RIPOR3: variants seen among roughly 807,000 people sequenced by gnomAD.
RIPOR3 encodes RIPOR family member 3.
RIPOR3 carries 95 observed loss-of-function variants against 114.3 expected under a neutral mutation model. The observed-to-expected ratio is 0.83, with a 90% confidence interval of 0.70 to 0.99. RIPOR3 has a LOEUF of 0.99. Among genes scored for constraint, RIPOR3 ranks in the 50% least tolerant of loss-of-function variants. The pLI is 0.00. For synonymous variants in RIPOR3, 575 were observed against 543.8 expected (o/e 1.06, Z -0.80); for missense variants, 1,252 against 1,266.9 (o/e 0.99, Z 0.18).
chr20:50,592,267 C>T, intron 19 of RIPOR3, 77 bp downstream of exon 19: 2 of 1,435,644 alleles, frequency 1.4e-6, no homozygotes, highest in Non-Finnish European at 9.3e-7. Flanking sequence ...CTTCTTTGTA[C>T]TTTTCCATGA....
intron 1 of RIPOR3, among the ~76,000 whole-genome samples, chr20:50,674,737 A>G (rs978328727): frequency 6.0e-5 from 9 of 151,222 alleles, no homozygotes. Flanking sequence ...GCTTGAGCCC[A>G]GAAGTTCAAG....
chr20:50,587,567 AT>A (rs2082961161), intron 21 of RIPOR3, among the ~76,000 whole-genome samples: 1 of 152,116 alleles, frequency 6.6e-6, no homozygotes, highest in African/African-American at 2.4e-5. Context: ...TCTGGCTTCT[AT>A]CCCAAAGGTC....
At chr20:50,599,973 T>C (rs2083439033) in intron 13 of RIPOR3, among the ~76,000 whole-genome samples, 1 of 152,064 alleles carries the variant, frequency 6.6e-6, no homozygotes, top group African/African-American at 2.4e-5. Flanking sequence ...CGATCTTGGC[T>C]CACTGTAACC....
intron 4 of RIPOR3, among the ~76,000 whole-genome samples, chr20:50,614,098 C>T (rs986160537): frequency 3.9e-5 from 6 of 152,192 alleles, no homozygotes; most frequent in South Asian, 2.1e-4. Context: ...TGCAGTGGTA[C>T]GATCTCACCT....
chr20:50,637,748 T>G (rs1363409483), intron 1 of RIPOR3, among the ~76,000 whole-genome samples: 12 of 151,800 alleles, frequency 7.9e-5, no homozygotes, highest in Non-Finnish European at 1.3e-4. Context: ...AGTGGCGGGC[T>G]CCTGTAATCC....
At chr20:50,603,991 G>C (rs113041139) in intron 12 of RIPOR3, among the ~76,000 whole-genome samples, 1 of 152,180 alleles carries the variant, frequency 6.6e-6, no homozygotes, top group South Asian at 2.1e-4. Context: ...AGACCAGCCT[G>C]GCTAACATGG....
At chr20:50,604,871 G>T in intron 11 of RIPOR3, 97 bp from the exon 12 acceptor site, 6 of 1,434,002 alleles carry the variant, frequency 4.2e-6, no homozygotes, top group Non-Finnish European at 5.7e-6. Context: ...CAGGTAGATG[G>T]TCTTCATCTT....
At position 50,691,392 on chromosome 20, in the gene RIPOR3, A is replaced by G. The variant is rs1020216489; in HGVS notation, c.-264T>C. ...GCCGGGCTCTGATAATGCAGCCGGGACTCTTATCTGGCCTGTGTCAGGGTG... is the reference window on the plus strand; with the variant it reads ...GCCGGGCTCTGATAATGCAGCCGGGGCTCTTATCTGGCCTGTGTCAGGGTG... On this transcript the variant is annotated 5_prime_UTR_variant, in exon 1 of 22. Coordinates refer to ENST00000327979, the MANE Select transcript of RIPOR3 (RefSeq NM_001290268.2). 2.9e-6 allele frequency: 1 copy of G among 345,620 alleles called. No homozygotes were observed. The highest frequency in any genetic ancestry group is 5.6e-6 in the Non-Finnish European group (1 of 177,060). The allele number at this position is 345,620 out of a possible 1,614,324, so 21.4% of individuals were successfully genotyped here.
At chr20:50,662,675 A>G (rs1015925207) in intron 1 of RIPOR3, among the ~76,000 whole-genome samples, 2 of 152,086 alleles carry the variant, frequency 1.3e-5, no homozygotes, top group Non-Finnish European at 2.9e-5. Flanking sequence ...AGGGGTGTCC[A>G]CTGGACCAGG....
At chr20:50,596,081 G>C in intron 15 of RIPOR3, 59 bp downstream of exon 15, 1 of 1,607,744 alleles carries the variant, frequency 6.2e-7, no homozygotes, top group South Asian at 1.1e-5. Context: ...ATGAGCCTTT[G>C]CAAAGAGGAC....
intron 1 of RIPOR3, among the ~76,000 whole-genome samples, chr20:50,665,299 A>AG (rs1436935453): frequency 6.6e-6 from 1 of 150,468 alleles, no homozygotes; most frequent in Non-Finnish European, 1.5e-5. Flanking sequence ...AAAAAAAAAA[A>AG]TGCTGGACGT....
At chr20:50,685,317 A>G (rs1432153248) in intron 1 of RIPOR3, among the ~76,000 whole-genome samples, 1 of 150,924 alleles carries the variant, frequency 6.6e-6, no homozygotes, top group Admixed American at 6.6e-5. Flanking sequence ...CCCAAGTTCA[A>G]GCGATTCTCC....
At chr20:50,600,976 C>G (rs933280570) in intron 13 of RIPOR3, among the ~76,000 whole-genome samples, 2 of 152,148 alleles carry the variant, frequency 1.3e-5, no homozygotes, top group South Asian at 4.1e-4. Context: ...TTGAAGAGAG[C>G]TGTTAACTAT....
chr20:50,635,464 G>A (rs1178875228), intron 1 of RIPOR3, among the ~76,000 whole-genome samples: 1 of 152,058 alleles, frequency 6.6e-6, no homozygotes, highest in Non-Finnish European at 1.5e-5. Context: ...GACCAGCCTG[G>A]GTCTCATAGT....
At chr20:50,683,717 A>C in intron 1 of RIPOR3, among the ~76,000 whole-genome samples, 1 of 150,630 alleles carries the variant, frequency 6.6e-6, no homozygotes, top group South Asian at 2.2e-4. Context: ...TCGGCCTCCC[A>C]AAGTACTGGG....
At chr20:50,668,172 G>A (rs1194084467) in intron 1 of RIPOR3, among the ~76,000 whole-genome samples, 24 of 152,186 alleles carry the variant, frequency 1.6e-4, no homozygotes, top group Non-Finnish European at 1.2e-4. Flanking sequence ...CATCCCGGCA[G>A]AGACAGATCT....
chr20:50,596,817 GC>G (rs2083308150), intron 14 of RIPOR3, among the ~76,000 whole-genome samples: 1 of 152,234 alleles, frequency 6.6e-6, no homozygotes. Context: ...GTGGTGAGAT[GC>G]GGATGCAGAA....
At chr20:50,655,656 C>T (rs373594607) in intron 1 of RIPOR3, among the ~76,000 whole-genome samples, 5 of 149,746 alleles carry the variant, frequency 3.3e-5, no homozygotes, top group East Asian at 1.9e-4. Context: ...CCTCCTGTCT[C>T]GGTTAGCGTG....
At chr20:50,678,977 C>T (rs530478637) in intron 1 of RIPOR3, among the ~76,000 whole-genome samples, 3 of 150,774 alleles carry the variant, frequency 2.0e-5, no homozygotes, top group East Asian at 3.9e-4. Flanking sequence ...TGGTGATCCA[C>T]ACCTGTAGTA....
Sources: gnomAD v4.1 joint callset for allele counts (sites outside exome capture counted in the v4.1 genomes callset) on GRCh38, gnomAD v4.1.1 for gene constraint, MANE v1.5 for transcripts, NCBI Gene and HGNC (gene_info 2026-07-23, HGNC 2026-07-21) for gene names.